TM4SF20: variants seen among roughly 807,000 people sequenced by gnomAD.
TM4SF20 encodes transmembrane 4 L6 family member 20.
In TM4SF20, 13 loss-of-function variants were observed where a neutral mutation model predicts 15.1. That is an observed-to-expected ratio of 0.86 (90% CI 0.56 to 1.36). TM4SF20 has a LOEUF of 1.36. Ranked by LOEUF, TM4SF20 falls within the 40% of genes most tolerant of loss-of-function variation. TM4SF20 has a pLI of 0.00. For missense variants in TM4SF20, 282 were observed against 268.4 expected (o/e 1.05, Z -0.35); for synonymous variants, 92 against 96.6 (o/e 0.95, Z 0.28).
At chr2:227,373,927 CAAAAA>C (rs373068376) in intron 1 of TM4SF20, among the ~76,000 whole-genome samples, 2 of 103,066 alleles carry the variant, frequency 1.9e-5, no homozygotes, top group Non-Finnish European at 1.9e-5. Flanking sequence ...GACTCCGTCT[CAAAAA>C]AAAAAAAAAA....
rs79866106 is a variant in TM4SF20 at position 227,374,088 on chromosome 2, T to TAAAAAAAAAAAAAAAAAAAAAAAAA, written c.184-3109_184-3108insTTTTTTTTTTTTTTTTTTTTTTTTT. On this transcript the variant is annotated intron_variant, in intron 1 of 3. Coordinates refer to ENST00000304568, the MANE Select transcript of TM4SF20 (RefSeq NM_024795.4). Reference sequence around the variant, plus strand: ...CTAGATGACAAAGTGAGACCCTGTCTAAAAAAAAAAAAAAAAAAAAAAAAG... The same window carrying TAAAAAAAAAAAAAAAAAAAAAAAAA: ...CTAGATGACAAAGTGAGACCCTGTCTAAAAAAAAAAAAAAAAAAAAAAAAAAAAAAAAAAAAAAAAAAAAAAAAAG... Among the ~76,000 whole-genome samples, 2 of 85,308 alleles carry TAAAAAAAAAAAAAAAAAAAAAAAAA rather than the reference T, an allele frequency of 2.3e-5. 1 individual carries two copies. Among genetic ancestry groups the TAAAAAAAAAAAAAAAAAAAAAAAAA allele is most frequent in the Non-Finnish European group, 4.4e-5 (2 of 45,846 alleles). 56.0% of individuals were successfully genotyped at this position (85,308 alleles called of 152,430 possible).
chr2:227,374,879 C>A (rs75180261), intron 1 of TM4SF20, among the ~76,000 whole-genome samples: 14 of 150,794 alleles, frequency 9.3e-5, no homozygotes, highest in East Asian at 7.9e-4. Context: ...TTGCTTGAAC[C>A]CAGGAGTTTG....
Position 227,370,990 on chromosome 2 carries a change from A to G in TM4SF20, c.184-10T>C, listed in dbSNP as rs771791250. 20 of 1,612,372 alleles carry G rather than the reference A, an allele frequency of 1.2e-5. No homozygotes were observed. The South Asian group carries it at 1.5e-4, about 12-fold the overall frequency. On this transcript the variant is annotated splice_polypyrimidine_tract_variant and intron_variant, in intron 1 of 3. Transcript: ENST00000304568. The stretch of plus-strand genomic sequence containing the variant: ...TTGTTGCTGGAATGGCCTGGAAATG[A>G]CATCAACAGGAAAGATGAGTATTAT...
intron 1 of TM4SF20, 21 bp downstream of exon 1, chr2:227,379,065 A>C (rs747719608): frequency 4.3e-6 from 7 of 1,610,924 alleles, no homozygotes; most frequent in Non-Finnish European, 5.9e-6. Flanking sequence ...CTTCACATCA[A>C]GTCAAATAAA....
upstream of TM4SF20, chr2:227,381,535 A>T (rs1290681517): frequency 6.6e-6 from 1 of 152,184 alleles, no homozygotes; most frequent in Non-Finnish European, 1.5e-5. Flanking sequence ...ATTATAATAC[A>T]TAAATTATAT....
At chr2:227,376,020 A>AT (rs1189236038) in intron 1 of TM4SF20, among the ~76,000 whole-genome samples, 1 of 152,254 alleles carries the variant, frequency 6.6e-6, no homozygotes, top group Admixed American at 6.5e-5. Flanking sequence ...GTTAAAGATA[A>AT]TTAAGTACAT....
chr2:227,371,174 G>A lies in TM4SF20; in HGVS notation c.184-194C>T, dbSNP rs6733120. Reference sequence around the variant, plus strand: ...ACCAGAAAGATTAAAAGTGGCGGCGGGAACAGGGGAATTCAAGACAGGAGT... The same window carrying A: ...ACCAGAAAGATTAAAAGTGGCGGCGAGAACAGGGGAATTCAAGACAGGAGT... On this transcript the variant is annotated intron_variant, in intron 1 of 3. Transcript: ENST00000304568. 3.5e-3 allele frequency among the ~76,000 whole-genome samples: 533 copies of A among 152,248 alleles called. 5 individuals are homozygous for A. The highest frequency in any genetic ancestry group is 0.012 in the African/African-American group (506 of 41,554).
intron 1 of TM4SF20, 51 bp from the exon 2 acceptor site, chr2:227,371,031 GA>G (rs1340714999): frequency 6.8e-6 from 10 of 1,463,498 alleles, no homozygotes; most frequent in Non-Finnish European, 9.6e-6. Context: ...CTCATCAGAA[GA>G]AAAAATAGTA....
intron 2 of TM4SF20, 118 bp from the exon 3 acceptor site, chr2:227,366,362 G>C: frequency 1.2e-6 from 1 of 821,354 alleles, no homozygotes; most frequent in South Asian, 1.9e-5. Context: ...TGGATCTTAA[G>C]ATCACAGTTT....
intron 2 of TM4SF20, among the ~76,000 whole-genome samples, chr2:227,366,716 C>CAAAAAAAAAAAAAAAAAAAAAAA (rs59401554): frequency 1.5e-5 from 1 of 68,190 alleles, no homozygotes; most frequent in Non-Finnish European, 2.8e-5. Context: ...AAGACTCTGT[C>CAAAAAAAAAAAAAAAAAAAAAAA]AAAAAAAAAA....
rs907556647 is a variant in TM4SF20, at chr2:227,368,402, G to C, written c.250-2158C>G. Among the ~76,000 whole-genome samples the C allele has an allele frequency of 4.8e-4, 71 of 148,204 alleles. 1 individual carries two copies. Among genetic ancestry groups the C allele is most frequent in the Admixed American group, 5.4e-4 (8 of 14,784 alleles). On this transcript the variant is annotated intron_variant, in intron 2 of 3. Transcript: ENST00000304568. ...GCCTTTCTTTGTTTCCCAGGATAGA[G>C]TGCAGTGGCGCTATCTGGGCTCACT...
chr2:227,364,383 A>AACCCCCCTCCC (rs2076380233), intron 3 of TM4SF20, among the ~76,000 whole-genome samples: 1 of 143,446 alleles, frequency 7.0e-6, no homozygotes, highest in African/African-American at 2.8e-5. Flanking sequence ...AGCCTCCCCT[A>AACCCCCCTCCC]CCCCCCGCCA....
rs367605006 is a variant in TM4SF20, at chr2:227,370,894, C to G, written c.249+21G>C. On this transcript the variant is annotated intron_variant, in intron 2 of 3. Transcript: ENST00000304568. The stretch of plus-strand genomic sequence containing the variant: ...AACTGTTCATGCACTTCTGCTTCCA[C>G]GCCGACTGCTTCATACTTACTCCAG... 2.7e-5 allele frequency: 44 copies of G among 1,611,750 alleles called. No individual in the cohort carries two copies. In the Admixed American group the frequency reaches 5.8e-4, roughly 21 times the overall value.
intron 2 of TM4SF20, among the ~76,000 whole-genome samples, chr2:227,368,019 A>ATTTTTTTTT (rs1226126996): frequency 8.3e-6 from 1 of 120,562 alleles, no homozygotes; most frequent in Non-Finnish European, 1.6e-5. Context: ...TTAACCATCT[A>ATTTTTTTTT]TTTTTTTTTT....
intron 3 of TM4SF20, 92 bp downstream of exon 3, chr2:227,366,001 T>G: frequency 7.5e-7 from 1 of 1,334,230 alleles, no homozygotes; most frequent in Non-Finnish European, 1.0e-6. Context: ...TTGCATCAAA[T>G]AAAAACATGG....
chr2:227,365,191 G>A (rs373836656), intron 3 of TM4SF20, among the ~76,000 whole-genome samples: 32 of 152,340 alleles, frequency 2.1e-4, no homozygotes, highest in East Asian at 5.8e-4. Context: ...GATTACAGGC[G>A]TGAGCCGCTG....
Position 227,363,655 on chromosome 2 carries a change from G to A in TM4SF20, c.*69C>T, listed in dbSNP as rs1207157260. 16 of 1,454,882 alleles carry A rather than the reference G, an allele frequency of 1.1e-5. No individual in the cohort carries two copies. The highest frequency in any genetic ancestry group is 1.5e-5 in the Non-Finnish European group (16 of 1,076,718). The allele number at this position is 1,454,882 out of a possible 1,614,324, so 90.1% of individuals were successfully genotyped here. On this transcript the variant is annotated 3_prime_UTR_variant, in exon 4 of 4. Coordinates refer to ENST00000304568, the MANE Select transcript of TM4SF20 (RefSeq NM_024795.4). ...TGATTTTTTAAATCATCTCAAAGATGACTTTGAAAACAAGTGTACTTCTCA... is the reference window on the plus strand; with the variant it reads ...TGATTTTTTAAATCATCTCAAAGATAACTTTGAAAACAAGTGTACTTCTCA...
At chr2:227,380,266 G>T (rs1407983418), upstream of TM4SF20, among the ~76,000 whole-genome samples, 1 of 152,228 alleles carries the variant, frequency 6.6e-6, no homozygotes, top group African/African-American at 2.4e-5. Flanking sequence ...GGGGGTGGAG[G>T]TTGCCATGAG....
chr2:227,364,901 C>T (rs7577008), intron 3 of TM4SF20, among the ~76,000 whole-genome samples: 58,924 of 151,952 alleles, frequency 0.39, 13,213 homozygotes, highest in African/African-American at 0.64. Flanking sequence ...AGTCTATTAG[C>T]AAGGAGACTT....
Sources: gnomAD v4.1 joint callset for allele counts (sites outside exome capture counted in the v4.1 genomes callset) on GRCh38, gnomAD v4.1.1 for gene constraint, MANE v1.5 for transcripts, NCBI Gene and HGNC (gene_info 2026-07-23, HGNC 2026-07-21) for gene names.